Variants in AJAP1 observed in about 807,000 individuals in gnomAD.
The protein encoded by AJAP1 is adherens junctions associated protein 1, also known as adherens junction-associated protein 1.
AJAP1 carries 5 observed loss-of-function variants against 35.0 expected under a neutral mutation model. The ratio of observed to expected loss-of-function variants is 0.14; its 90% confidence interval spans 0.07 to 0.30. The LOEUF (loss-of-function observed/expected upper bound fraction) is 0.30, where lower values mean the gene tolerates loss of function less well. AJAP1 is among the 10% of genes least tolerant of loss of function. AJAP1 has a pLI of 1.00. For synonymous variants in AJAP1, 284 were observed against 249.3 expected (o/e 1.14, Z -1.31); for missense variants, 586 against 571.0 (o/e 1.03, Z -0.27).
chr1:4,771,836 C>A (rs894635331), intron 3 of AJAP1, among the ~76,000 whole-genome samples: 13 of 152,100 alleles, frequency 8.5e-5, no homozygotes, highest in African/African-American at 3.1e-4. Context: ...GTCCATTGTC[C>A]ATTCTGAGAT....
chr1:4,724,320 G>C (rs1640599018), intron 2 of AJAP1, among the ~76,000 whole-genome samples: 1 of 152,134 alleles, frequency 6.6e-6, no homozygotes, highest in African/African-American at 2.4e-5. Flanking sequence ...TGTCCCCTCT[G>C]GCCTTGGCGG....
intron 2 of AJAP1, among the ~76,000 whole-genome samples, chr1:4,721,199 T>G (rs12408263): frequency 0.14 from 21,884 of 152,134 alleles, 2,408 homozygotes; most frequent in East Asian, 0.66. Flanking sequence ...CCCAGGCATT[T>G]GTGAGTGGGG....
At chr1:4,752,139 G>A (rs888186128) in intron 2 of AJAP1, among the ~76,000 whole-genome samples, 1 of 151,524 alleles carries the variant, frequency 6.6e-6, no homozygotes, top group South Asian at 2.1e-4. Flanking sequence ...ATTAAAGGAG[G>A]AACAGAGGGA....
At chr1:4,708,710 C>A (rs968854169) in intron 1 of AJAP1, among the ~76,000 whole-genome samples, 3 of 152,328 alleles carry the variant, frequency 2.0e-5, no homozygotes, top group Non-Finnish European at 4.4e-5. Flanking sequence ...CCGGGCAGCA[C>A]ACCAAGCTCA....
At chr1:4,669,458 G>T (rs750372916) in intron 1 of AJAP1, among the ~76,000 whole-genome samples, 2 of 152,178 alleles carry the variant, frequency 1.3e-5, no homozygotes, top group Non-Finnish European at 2.9e-5. Context: ...TCACAGGGCG[G>T]CAGGATGAAG....
At chr1:4,726,519 G>A (rs573553175) in intron 2 of AJAP1, among the ~76,000 whole-genome samples, 6 of 152,220 alleles carry the variant, frequency 3.9e-5, no homozygotes, top group Admixed American at 2.6e-4. Flanking sequence ...GAGCCTAGAG[G>A]AGATCCGGTT....
At chr1:4,671,405 GAGGACAT>G (rs76747477) in intron 1 of AJAP1, among the ~76,000 whole-genome samples, 37,208 of 150,542 alleles carry the variant, frequency 0.25, 5,346 homozygotes, top group South Asian at 0.49. Context: ...TGATTGTCAG[GAGGACAT>G]AGGACATGAT....
At chr1:4,743,045 G>A (rs569854917) in intron 2 of AJAP1, among the ~76,000 whole-genome samples, 5 of 152,316 alleles carry the variant, frequency 3.3e-5, no homozygotes, top group African/African-American at 9.6e-5. Flanking sequence ...GAACCTGTAC[G>A]GATTCCACGG....
Position 4,783,678 on chromosome 1 carries a change from C to G in AJAP1, c.*1193C>G, listed in dbSNP as rs546160423. On this transcript the variant is annotated 3_prime_UTR_variant, in exon 6 of 6. Transcript: ENST00000378191. ...ATTTACGTAGCTGGTTGCTTACAAA[C>G]GGGCCTGAGCCCCTGGTTGGGTGGG... 1 of 151,112 alleles carries G rather than the reference C, an allele frequency of 6.6e-6. No individual in the cohort carries two copies. The highest frequency in any genetic ancestry group is 2.4e-5 in the African/African-American group (1 of 41,044). 9.4% of individuals were successfully genotyped at this position (151,112 alleles called of 1,614,324 possible).
chr1:4,675,054 A>G (rs1353156913), intron 1 of AJAP1, among the ~76,000 whole-genome samples: 1 of 152,188 alleles, frequency 6.6e-6, no homozygotes, highest in Non-Finnish European at 1.5e-5. Context: ...GGTCAGAGCC[A>G]TCAGGGCTGG....
intron 2 of AJAP1, among the ~76,000 whole-genome samples, chr1:4,743,937 A>G (rs1473854420): frequency 9.5e-5 from 2 of 21,102 alleles, no homozygotes; most frequent in African/African-American, 3.9e-4. Flanking sequence ...AGAGCTCTCC[A>G]GGCTCTCCAG....
At position 4,712,482 on chromosome 1, in the gene AJAP1, C is replaced by G. The variant is rs1640281712; in HGVS notation, c.612C>G (p.Thr204=). The G allele has an allele frequency of 6.2e-7, 1 of 1,612,258 alleles. No homozygotes were observed. The highest frequency in any genetic ancestry group is 1.3e-5 in the African/African-American group (1 of 74,904). The change falls in exon 2 of 6, where the codon ACC becomes ACG. Residue 204 remains threonine, a synonymous_variant. Transcript: ENST00000378191. ...SNTFPGVYGP[T]TVSILQTRKT... ...CATTTCCGGGCGTTTACGGCCCCAC[C>G]ACGGTCTCCATCCTACAAACACGGA... is the stretch of plus-strand genomic sequence containing the variant.
rs369447378 is a variant in AJAP1, at chr1:4,701,390, G to A, written c.30-10510G>A. 5.9e-5 allele frequency among the ~76,000 whole-genome samples: 9 copies of A among 152,198 alleles called. No homozygotes were observed. In the South Asian group the frequency reaches 1.0e-3, roughly 17 times the overall value. On this transcript the variant is annotated intron_variant, in intron 1 of 5. Transcript: ENST00000378191. Reference sequence around the variant, plus strand: ...GGTTGCAGTGCCAAGCACCAAAGCCGTCTCATGTCACCCCCACGCCATGCT... The same window carrying A: ...GGTTGCAGTGCCAAGCACCAAAGCCATCTCATGTCACCCCCACGCCATGCT...
At chr1:4,685,679 G>C (rs1035667103) in intron 1 of AJAP1, among the ~76,000 whole-genome samples, 1 of 152,132 alleles carries the variant, frequency 6.6e-6, no homozygotes, top group Non-Finnish European at 1.5e-5. Context: ...GGAGAGGCAA[G>C]CTCCACAAAG....
chr1:4,673,925 G>A (rs2100519293), intron 1 of AJAP1, among the ~76,000 whole-genome samples: 1 of 151,684 alleles, frequency 6.6e-6, no homozygotes, highest in East Asian at 1.9e-4. Context: ...CCCAAATAGG[G>A]CTGCCAGATA....
chr1:4,733,461 A>G (rs767866007), intron 2 of AJAP1, among the ~76,000 whole-genome samples: 3 of 149,336 alleles, frequency 2.0e-5, no homozygotes, highest in Non-Finnish European at 4.4e-5. Flanking sequence ...TGACCAAAGT[A>G]TCTCGTGTGC....
intron 1 of AJAP1, among the ~76,000 whole-genome samples, chr1:4,705,744 G>T (rs10915591): frequency 6.6e-6 from 1 of 152,064 alleles, no homozygotes; most frequent in Non-Finnish European, 1.5e-5. Flanking sequence ...GTCCTCCTTA[G>T]AACATCAAGG....
chr1:4,709,192 C>A (rs1640165639), intron 1 of AJAP1, among the ~76,000 whole-genome samples: 1 of 114,100 alleles, frequency 8.8e-6, no homozygotes, highest in Admixed American at 1.4e-4. Flanking sequence ...CTTGTCATGG[C>A]TTTTGATTCA....
chr1:4,699,257 C>T lies in AJAP1; in HGVS notation c.30-12643C>T, dbSNP rs992310069. Among the ~76,000 whole-genome samples the T allele has an allele frequency of 5.9e-5, 9 of 152,126 alleles. 1 individual carries two copies. The highest frequency in any genetic ancestry group is 3.9e-4 in the East Asian group (2 of 5,176). On this transcript the variant is annotated intron_variant, in intron 1 of 5. Coordinates refer to ENST00000378191, the MANE Select transcript of AJAP1 (RefSeq NM_018836.4). ...TCCTGGCCCCACGCTGCACCCTGCC[C>T]ACCTCCACCAATGCCATTCTTTTCC...
Sources: gnomAD v4.1 joint callset for allele counts (sites outside exome capture counted in the v4.1 genomes callset) on GRCh38, gnomAD v4.1.1 for gene constraint, MANE v1.5 for transcripts, NCBI Gene and HGNC (gene_info 2026-07-23, HGNC 2026-07-21) for gene names.